GPC6: variants seen among roughly 807,000 people sequenced by gnomAD.
GPC6 encodes the protein glypican 6.
Under a neutral mutation model 55.2 loss-of-function variants are expected in GPC6, and 14 were observed. That is an observed-to-expected ratio of 0.25 (90% confidence interval 0.17 to 0.40). The LOEUF (loss-of-function observed/expected upper bound fraction) is 0.40. Ranked by LOEUF, GPC6 falls within the 10% of genes least tolerant of loss-of-function variation. GPC6 has a pLI of 1.00. For missense variants in GPC6, 641 were observed against 708.5 expected (o/e 0.90, Z 1.08); for synonymous variants, 278 against 259.6 (o/e 1.07, Z -0.68).
chr13:94,057,546 C>G (rs970681582), intron 4 of GPC6, among the ~76,000 whole-genome samples: 3 of 152,208 alleles, frequency 2.0e-5, no homozygotes, highest in East Asian at 3.9e-4. Context: ...ATAAAAATCT[C>G]TATTTCTTTT....
chr13:93,415,607 T>A (rs1876669086), intron 1 of GPC6, among the ~76,000 whole-genome samples: 1 of 152,164 alleles, frequency 6.6e-6, no homozygotes, highest in Admixed American at 6.6e-5. Context: ...AATGCCAGAC[T>A]GCCTTCGAGA....
intron 3 of GPC6, among the ~76,000 whole-genome samples, chr13:93,914,393 T>G (rs527402792): frequency 2.1e-4 from 32 of 152,174 alleles, no homozygotes; most frequent in Non-Finnish European, 1.9e-4. Flanking sequence ...CAAAGGACAT[T>G]AACTCATCAT....
intron 4 of GPC6, among the ~76,000 whole-genome samples, chr13:94,248,244 T>C (rs1464264662): frequency 6.6e-6 from 1 of 152,136 alleles, no homozygotes; most frequent in Non-Finnish European, 1.5e-5. Context: ...CCAATTCAAT[T>C]TGCCTGTGAC....
chr13:93,337,193 T>C (rs181811392), intron 1 of GPC6, among the ~76,000 whole-genome samples: 16 of 152,210 alleles, frequency 1.1e-4, no homozygotes, highest in African/African-American at 3.6e-4. Flanking sequence ...TAGATATACC[T>C]ACTTGCTGTG....
At chr13:93,292,284 C>T (rs745644997) in intron 1 of GPC6, among the ~76,000 whole-genome samples, 96 of 152,194 alleles carry the variant, frequency 6.3e-4, no homozygotes, top group Non-Finnish European at 1.1e-3. Context: ...TAACTTCTAC[C>T]TCATGTGAAT....
chr13:93,967,278 A>G (rs576344883), intron 3 of GPC6, among the ~76,000 whole-genome samples: 15 of 152,356 alleles, frequency 9.8e-5, no homozygotes, highest in African/African-American at 3.4e-4. Flanking sequence ...GAAGACAGAC[A>G]GTACAAATGA....
intron 3 of GPC6, among the ~76,000 whole-genome samples, chr13:93,966,621 A>G (rs1408375194): frequency 6.8e-6 from 1 of 147,504 alleles, no homozygotes; most frequent in Non-Finnish European, 1.5e-5. Context: ...AGAAAATGAG[A>G]CTTTACTATC....
At chr13:93,730,075 C>T (rs1235226583) in intron 2 of GPC6, among the ~76,000 whole-genome samples, 5 of 152,146 alleles carry the variant, frequency 3.3e-5, no homozygotes, top group Non-Finnish European at 5.9e-5. Context: ...CAGGCCTGCT[C>T]ATTTACCCGT....
intron 3 of GPC6, among the ~76,000 whole-genome samples, chr13:93,923,893 C>T (rs1877706463): frequency 6.6e-6 from 1 of 152,142 alleles, no homozygotes. Context: ...GATCTATCCT[C>T]CTTACTTATT....
intron 2 of GPC6, among the ~76,000 whole-genome samples, chr13:93,764,062 C>T (rs912270089): frequency 6.6e-6 from 1 of 152,090 alleles, no homozygotes. Flanking sequence ...CTGCCAATCA[C>T]CTAAGCACCT....
At chr13:94,188,496 G>C (rs1336139462) in intron 4 of GPC6, among the ~76,000 whole-genome samples, 1 of 152,072 alleles carries the variant, frequency 6.6e-6, no homozygotes. Flanking sequence ...TGATGTGAGT[G>C]GTCACTTCTT....
intron 6 of GPC6, among the ~76,000 whole-genome samples, chr13:94,308,228 A>T (rs1199586948): frequency 1.3e-5 from 2 of 152,226 alleles, no homozygotes; most frequent in African/African-American, 4.8e-5. Context: ...GGGGAAGTAG[A>T]GCAAGAAAAA....
chr13:93,245,155 G>A lies in GPC6; in HGVS notation c.160+17539G>A, dbSNP rs560806174. ...ATTTGGTAAGTTTTGTGGTATAAAT[G>A]TTCTCACCATGAACAATTTCAAGCT... On this transcript the variant is annotated intron_variant, in intron 1 of 8. Transcript: ENST00000377047. Among the ~76,000 whole-genome samples the A allele has an allele frequency of 1.1e-4, 17 of 152,226 alleles. No homozygotes were observed. In the South Asian group the frequency reaches 3.5e-3, roughly 32 times the overall value.
chr13:93,776,989 A>T (rs1239005678), intron 2 of GPC6, among the ~76,000 whole-genome samples: 2 of 152,186 alleles, frequency 1.3e-5, no homozygotes. Context: ...AGATTTCCTT[A>T]TCCATAGAGA....
At chr13:94,106,803 C>T (rs1886071187) in intron 4 of GPC6, among the ~76,000 whole-genome samples, 1 of 151,950 alleles carries the variant, frequency 6.6e-6, no homozygotes, top group African/African-American at 2.4e-5. Flanking sequence ...GAGAGATTGG[C>T]AACTAGAAAA....
intron 6 of GPC6, among the ~76,000 whole-genome samples, chr13:94,361,301 T>G (rs1240940242): frequency 6.6e-6 from 1 of 152,224 alleles, no homozygotes; most frequent in Non-Finnish European, 1.5e-5. Flanking sequence ...CCTGCATAGT[T>G]GCACAAGGCC....
intron 1 of GPC6, among the ~76,000 whole-genome samples, chr13:93,456,026 G>C (rs982231506): frequency 6.6e-6 from 1 of 152,110 alleles, no homozygotes; most frequent in Non-Finnish European, 1.5e-5. Context: ...GATGTGTTTA[G>C]GTGCTATCTC....
chr13:93,987,984 G>A (rs774720361), intron 3 of GPC6, among the ~76,000 whole-genome samples: 101 of 152,020 alleles, frequency 6.6e-4, no homozygotes, highest in Admixed American at 1.2e-3. Flanking sequence ...ACACTGCAGA[G>A]GGGTCTTTCT....
rs1892261874 is a variant in GPC6, at chr13:94,277,922, C to T, written c.878-8427C>T. ...TTCTTGTTCTTTGTCTTGGATGGGT[C>T]TTCTTTGATTCCATATGTAATTTAA... On this transcript the variant is annotated intron_variant, in intron 4 of 8. Transcript: ENST00000377047. Among the ~76,000 whole-genome samples, 4 of 152,028 alleles carry T rather than the reference C, an allele frequency of 2.6e-5. No homozygotes were observed. The South Asian group carries it at 8.3e-4, about 32-fold the overall frequency.
Sources: gnomAD v4.1 joint callset for allele counts (sites outside exome capture counted in the v4.1 genomes callset) on GRCh38, gnomAD v4.1.1 for gene constraint, MANE v1.5 for transcripts, NCBI Gene and HGNC (gene_info 2026-07-23, HGNC 2026-07-21) for gene names.